Variants in CELF1 observed in about 807,000 individuals in gnomAD.
CELF1 encodes the protein 50 kDa nuclear polyadenylated RNA-binding protein.
CELF1 carries 10 observed loss-of-function variants against 61.8 expected under a neutral mutation model. That is an observed-to-expected ratio of 0.16 (90% CI 0.10 to 0.27). CELF1 has a LOEUF of 0.27. CELF1 is among the 10% of genes least tolerant of loss of function. The probability of loss-of-function intolerance (pLI) is 1.00; values close to 1 mark genes in which losing one functional copy is unlikely to be tolerated. For synonymous variants in CELF1, 236 were observed against 225.1 expected, an observed-to-expected ratio of 1.05 and a Z score of -0.43; for missense variants, 380 against 639.1, an observed-to-expected ratio of 0.59 and a Z score of 4.37.
At chr11:47,527,589 G>A (rs2096291882) in intron 1 of CELF1, among the ~76,000 whole-genome samples, 1 of 152,024 alleles carries the variant, frequency 6.6e-6, no homozygotes, top group Admixed American at 6.6e-5. Flanking sequence ...CCTCTTCATT[G>A]TATATACTGG....
chr11:47,543,911 C>G (rs529741939), intron 1 of CELF1, among the ~76,000 whole-genome samples: 1 of 152,300 alleles, frequency 6.6e-6, no homozygotes, highest in African/African-American at 2.4e-5. Flanking sequence ...TCACTTGAAA[C>G]TACGAAGAGA....
exon 1 of CELF1, chr11:47,565,450 C>G (rs1257296461): frequency 1.9e-6 from 1 of 527,030 alleles, no homozygotes; most frequent in Non-Finnish European, 2.8e-6. Context: ...GCCGGGCCCT[C>G]CTCCAGAGTC....
intron 13 of CELF1, among the ~76,000 whole-genome samples, chr11:47,474,176 C>T (rs1027859820): frequency 2.6e-5 from 4 of 152,174 alleles, no homozygotes; most frequent in African/African-American, 4.8e-5. Context: ...GGATTACAGG[C>T]GCGAGCCACT....
chr11:47,530,815 C>A (rs540169349), intron 1 of CELF1, among the ~76,000 whole-genome samples: 1 of 151,966 alleles, frequency 6.6e-6, no homozygotes, highest in Non-Finnish European at 1.5e-5. Context: ...ATTAGCCAGG[C>A]ATGGTGGCAT....
At chr11:47,523,600 C>T (rs1297509221) in intron 1 of CELF1, 1 of 152,298 alleles carries the variant, frequency 6.6e-6, no homozygotes, top group East Asian at 1.9e-4. Flanking sequence ...GCATCCATAC[C>T]ACACAGCCAC....
intron 1 of CELF1, among the ~76,000 whole-genome samples, chr11:47,516,548 G>T (rs1047432602): frequency 2.6e-5 from 4 of 151,794 alleles, no homozygotes; most frequent in Non-Finnish European, 5.9e-5. Flanking sequence ...TAGGGTAATT[G>T]CTTGACTGAC....
At chr11:47,505,431 C>T (rs773624630) in intron 1 of CELF1, among the ~76,000 whole-genome samples, 3 of 150,864 alleles carry the variant, frequency 2.0e-5, no homozygotes, top group Non-Finnish European at 4.4e-5. Context: ...CAGATCGAGA[C>T]CACCCTGGTT....
chr11:47,537,702 C>T (rs1459621404), intron 1 of CELF1, among the ~76,000 whole-genome samples: 1 of 152,054 alleles, frequency 6.6e-6, no homozygotes. Flanking sequence ...TATTACTAAT[C>T]CTTAATACTG....
chr11:47,538,225 T>C (rs2096678829), intron 1 of CELF1, among the ~76,000 whole-genome samples: 2 of 152,356 alleles, frequency 1.3e-5, no homozygotes, highest in South Asian at 4.1e-4. Context: ...TAATATTGTT[T>C]AGATATATTT....
chr11:47,527,319 A>T (rs1442885608), intron 1 of CELF1, among the ~76,000 whole-genome samples: 1 of 152,178 alleles, frequency 6.6e-6, no homozygotes, highest in Non-Finnish European at 1.5e-5. Flanking sequence ...TGAGCCCAGG[A>T]GGTCAAGACT....
chr11:47,497,714 T>C (rs978122875), intron 3 of CELF1, among the ~76,000 whole-genome samples: 2 of 152,202 alleles, frequency 1.3e-5, no homozygotes, highest in Non-Finnish European at 2.9e-5. Context: ...CAAAAAAACA[T>C]GCTGGACACT....
chr11:47,547,038 C>G (rs2096970838), intron 1 of CELF1, among the ~76,000 whole-genome samples: 1 of 87,990 alleles, frequency 1.1e-5, no homozygotes, highest in Admixed American at 1.8e-4. Flanking sequence ...TTACTTTAGT[C>G]TGGGCAACAA....
chr11:47,537,595 AT>A (rs112686688), intron 1 of CELF1, among the ~76,000 whole-genome samples: 2,424 of 151,970 alleles, frequency 0.016, 51 homozygotes, highest in African/African-American at 0.048. Flanking sequence ...AGCTGCTTAC[AT>A]TTTTTTTCCA....
intron 1 of CELF1, among the ~76,000 whole-genome samples, chr11:47,535,075 A>G (rs920366212): frequency 1.3e-5 from 2 of 152,180 alleles, no homozygotes; most frequent in Non-Finnish European, 2.9e-5. Context: ...GAGCAAACTT[A>G]TACCAGACAA....
chr11:47,530,237 T>C (rs568631066), intron 1 of CELF1, among the ~76,000 whole-genome samples: 1 of 152,252 alleles, frequency 6.6e-6, no homozygotes, highest in South Asian at 2.1e-4. Flanking sequence ...AAAGATGATA[T>C]AATAGAGTCA....
chr11:47,559,794 G>A (rs958271707), intron 2 of CELF1, among the ~76,000 whole-genome samples: 1 of 152,104 alleles, frequency 6.6e-6, no homozygotes, highest in Non-Finnish European at 1.5e-5. Context: ...CTGAGGTCAG[G>A]AGTTCGAGAC....
rs113317301 is a variant in CELF1 at position 47,517,895 on chromosome 11, C to T, written c.-153-16963G>A. Among the ~76,000 whole-genome samples the T allele has an allele frequency of 5.3e-5, 8 of 152,158 alleles. No individual in the cohort carries two copies. The South Asian group carries it at 6.2e-4, about 12-fold the overall frequency. ...TCTCGAACTCCTGACCTTAGGTGAT[C>T]GACCTGAAGTGCTAGGATTACAGGC... On this transcript the variant is annotated intron_variant, in intron 1 of 14. Transcript: ENST00000687097.
chr11:47,503,512 A>G (rs919315458), intron 1 of CELF1, among the ~76,000 whole-genome samples: 8 of 152,220 alleles, frequency 5.3e-5, no homozygotes, highest in African/African-American at 1.7e-4. Context: ...AATCAATGTC[A>G]TTAAAAATCA....
At chr11:47,505,932 T>C (rs182526160) in intron 1 of CELF1, among the ~76,000 whole-genome samples, 2 of 116,800 alleles carry the variant, frequency 1.7e-5, no homozygotes, top group East Asian at 5.0e-4. Context: ...TGAAACTCTG[T>C]CTCCAAAAAA....
Sources: gnomAD v4.1 joint callset for allele counts (sites outside exome capture counted in the v4.1 genomes callset) on GRCh38, gnomAD v4.1.1 for gene constraint, MANE v1.5 for transcripts, NCBI Gene and HGNC (gene_info 2026-07-23, HGNC 2026-07-21) for gene names.